The following GPHN variants were observed in gnomAD, a reference collection of about 807,000 sequenced individuals.
GPHN encodes the protein gephyrin.
Under a neutral mutation model 95.5 loss-of-function variants are expected in GPHN, and 17 were observed. The observed-to-expected ratio is 0.18, with a 90% confidence interval of 0.12 to 0.27. The LOEUF (loss-of-function observed/expected upper bound fraction) is 0.27. Ranked by LOEUF, GPHN falls within the 10% of genes least tolerant of loss-of-function variation. The pLI is 1.00. For synonymous variants in GPHN, 320 were observed against 322.5 expected (o/e 0.99, Z 0.08); for missense variants, 660 against 978.1 (o/e 0.67, Z 4.34).
the GPHN span, among the ~76,000 whole-genome samples, chr14:67,319,859 A>G: frequency 1.1e-4 from 16 of 152,310 alleles, no homozygotes; most frequent in Admixed American, 1.0e-3. Flanking sequence ...TCTTAAAACA[A>G]CCTTCTTAAG....
intron 21 of GPHN, among the ~76,000 whole-genome samples, chr14:67,178,538 C>T (rs562579757): frequency 6.6e-6 from 1 of 152,092 alleles, no homozygotes; most frequent in Non-Finnish European, 1.5e-5. Flanking sequence ...GATTATGTGC[C>T]TTGGGGTTGC....
At chr14:66,601,988 T>C (rs1308841106) in intron 1 of GPHN, among the ~76,000 whole-genome samples, 1 of 151,976 alleles carries the variant, frequency 6.6e-6, no homozygotes, top group East Asian at 1.9e-4. Context: ...TCCTTGTAAC[T>C]GGGCTGATTT....
At chr14:66,610,078 T>C (rs1226482632) in intron 1 of GPHN, among the ~76,000 whole-genome samples, 1 of 152,164 alleles carries the variant, frequency 6.6e-6, no homozygotes. Flanking sequence ...AACTGTGGTA[T>C]AAGTTGAGTA....
intron 2 of GPHN, among the ~76,000 whole-genome samples, chr14:66,735,515 C>T (rs990864241): frequency 6.6e-6 from 1 of 152,106 alleles, no homozygotes; most frequent in African/African-American, 2.4e-5. Flanking sequence ...TTTTTACTTT[C>T]AATTTGTATC....
chr14:67,068,672 T>C (rs2076164412), intron 11 of GPHN, among the ~76,000 whole-genome samples: 1 of 152,200 alleles, frequency 6.6e-6, no homozygotes, highest in Admixed American at 6.5e-5. Flanking sequence ...TTATTTAAGA[T>C]TACATGATTA....
In GPHN at chr14:66,633,950, G is replaced by GT. The variant is rs372091014; in HGVS notation, c.65-47143dup. Among the ~76,000 whole-genome samples, 1,079 of 129,376 alleles carry GT rather than the reference G, an allele frequency of 8.3e-3. 4 individuals are homozygous for GT. The highest frequency in any genetic ancestry group is 0.018 in the African/African-American group (639 of 35,396). 84.9% of individuals were successfully genotyped at this position (129,376 alleles called of 152,430 possible). On this transcript the variant is annotated intron_variant, in intron 1 of 22. Coordinates refer to ENST00000478722, the MANE Select transcript of GPHN (RefSeq NM_020806.5). ...GATTTAGTTTCTGGGTTTTCTTTCTGTTTTTTTTTTTTTTAATAATATCTA... is the reference window on the plus strand; with the variant it reads ...GATTTAGTTTCTGGGTTTTCTTTCTGTTTTTTTTTTTTTTTAATAATATCTA...
chr14:67,397,999 G>T, the GPHN span: 1 of 449,066 alleles, frequency 2.2e-6, no homozygotes, highest in Non-Finnish European at 3.9e-6. Context: ...AAGACCTTTG[G>T]CACTGACCTT....
At chr14:66,948,044 T>A (rs2067865121) in intron 8 of GPHN, among the ~76,000 whole-genome samples, 1 of 152,212 alleles carries the variant, frequency 6.6e-6, no homozygotes, top group Non-Finnish European at 1.5e-5. Flanking sequence ...ATGAATATAA[T>A]AATGATAATA....
At chr14:66,509,534 A>C (rs2057951654) in intron 1 of GPHN, 1 of 152,304 alleles carries the variant, frequency 6.6e-6, no homozygotes, top group African/African-American at 2.4e-5. Context: ...GCTGCAGGGC[A>C]TGACTTCCAA....
intron 2 of GPHN, among the ~76,000 whole-genome samples, chr14:66,714,243 A>AT (rs776963514): frequency 2.6e-5 from 4 of 151,498 alleles, no homozygotes; most frequent in African/African-American, 4.8e-5. Flanking sequence ...ATTTTATTTT[A>AT]TTTTTTTTGC....
chr14:67,058,529 C>T, intron 10 of GPHN, 120 bp from the exon 11 acceptor site: 1 of 869,062 alleles, frequency 1.2e-6, no homozygotes, highest in Non-Finnish European at 1.9e-6. Flanking sequence ...GAAACAGTTT[C>T]TTACCTGCTA....
intron 2 of GPHN, among the ~76,000 whole-genome samples, chr14:66,762,044 T>A (rs2058777036): frequency 6.6e-6 from 1 of 152,150 alleles, no homozygotes; most frequent in South Asian, 2.1e-4. Context: ...ATTATGTGGT[T>A]TTCTTTTAAA....
At chr14:67,448,333 G>C in the GPHN span, among the ~76,000 whole-genome samples, 1 of 150,558 alleles carries the variant, frequency 6.6e-6, no homozygotes, top group Non-Finnish European at 1.5e-5. Flanking sequence ...GTAGAGACAG[G>C]GTTTCACCAT....
At chr14:67,524,929 T>C in the GPHN span, among the ~76,000 whole-genome samples, 1 of 152,284 alleles carries the variant, frequency 6.6e-6, no homozygotes, top group African/African-American at 2.4e-5. Context: ...AACGTTGGCA[T>C]TAAACTTGAG....
intron 2 of GPHN, among the ~76,000 whole-genome samples, chr14:66,737,370 G>A (rs2072390350): frequency 1.3e-5 from 2 of 152,112 alleles, no homozygotes; most frequent in African/African-American, 2.4e-5. Context: ...TTGGGGTGGT[G>A]TGGATTCAGG....
the GPHN span, chr14:67,395,612 G>A: frequency 6.2e-7 from 1 of 1,607,052 alleles, no homozygotes; most frequent in Non-Finnish European, 8.5e-7. Context: ...AGTCAGGCCA[G>A]CACTCAGGCA....
Position 67,058,650 on chromosome 14 carries a change from T to G in GPHN, c.1008T>G (p.Ser336Arg). The G allele has an allele frequency of 6.2e-7, 1 of 1,611,810 alleles. No homozygotes were observed. Among genetic ancestry groups the G allele is most frequent in the Non-Finnish European group, 8.5e-7 (1 of 1,177,858 alleles). The change falls in exon 11 of 23, where the codon AGT becomes AGG. Residue 336 changes from serine (S) to arginine (R), a missense_variant and splice_region_variant. By Grantham distance (110) the Ser-to-Arg change is moderately radical. This residue lies in a region of GPHN where 190 missense variants were observed against 224.7 expected (regional missense o/e 0.85). Transcript: ENST00000478722. Reference protein sequence around the residue: ...CSSKENILRASHSAVDITKVA... With the variant: ...CSSKENILRARHSAVDITKVA... The stretch of plus-strand genomic sequence containing the variant: ...TTAGTTAATTATCTTACTGTTTAGG[T>G]CACAGTGCTGTCGATATCACCAAGG...
the GPHN span, chr14:67,473,165 C>A: frequency 1.9e-6 from 1 of 515,476 alleles, no homozygotes; most frequent in Non-Finnish European, 3.5e-6. This position sits in a 1 kb window ranked among gnomAD's most constrained non-coding sequence, Gnocchi z 6.5. Context: ...CCTCCTGGTA[C>A]CAACCCCTGA....
At chr14:66,699,369 A>G (rs1175995964) in intron 2 of GPHN, among the ~76,000 whole-genome samples, 1 of 151,852 alleles carries the variant, frequency 6.6e-6, no homozygotes, top group Non-Finnish European at 1.5e-5. Context: ...AAATAAATAA[A>G]TAAAAGAAAA....
Sources: gnomAD v4.1 joint callset for allele counts (sites outside exome capture counted in the v4.1 genomes callset) on GRCh38, gnomAD v4.1.1 for gene constraint, gnomAD v4.1.1 regional missense constraint, Gnocchi (gnomAD v3.1) non-coding constraint, MANE v1.5 for transcripts, NCBI Gene and HGNC (gene_info 2026-07-23, HGNC 2026-07-21) for gene names.